The following ERI3 variants were observed in gnomAD, a reference collection of about 807,000 sequenced individuals.
The protein encoded by ERI3 is ERI1 exoribonuclease 3.
Under a neutral mutation model 44.4 loss-of-function variants are expected in ERI3, and 18 were observed. The ratio of observed to expected loss-of-function variants is 0.41; its 90% CI spans 0.28 to 0.60. ERI3 has a LOEUF of 0.60. ERI3 is among the 20% of genes least tolerant of loss of function. The pLI is 0.36. For missense variants in ERI3, 294 were observed against 435.5 expected (o/e 0.68, Z 2.89); for synonymous variants, 183 against 164.8 (o/e 1.11, Z -0.84).
At chr1:44,266,911 G>A (rs754075382) in intron 7 of ERI3, among the ~76,000 whole-genome samples, 64 of 152,196 alleles carry the variant, frequency 4.2e-4, no homozygotes, top group Non-Finnish European at 7.1e-4. Flanking sequence ...CATAGTCTAC[G>A]TAGTTTCCTT....
intron 1 of ERI3, 44 bp from the exon 2 acceptor site, chr1:44,352,969 C>A: frequency 6.2e-7 from 1 of 1,612,086 alleles, no homozygotes; most frequent in Non-Finnish European, 8.5e-7. Context: ...ATTTCAATAC[C>A]AAGGATCAAA....
chr1:44,299,716 G>A (rs1172689698), intron 6 of ERI3, among the ~76,000 whole-genome samples: 1 of 152,118 alleles, frequency 6.6e-6, no homozygotes, highest in Admixed American at 6.6e-5. Flanking sequence ...ATACAAAAGA[G>A]TAGAGCCCGG....
In ERI3 at chr1:44,333,478, A is replaced by G. The variant is rs1646472101; in HGVS notation, c.489+5567T>C. Among the ~76,000 whole-genome samples the G allele has an allele frequency of 2.0e-5, 3 of 152,264 alleles. No individual in the cohort carries two copies. The South Asian group carries it at 6.2e-4, about 32-fold the overall frequency. The stretch of plus-strand genomic sequence containing the variant: ...ACCAGGACAAGCACATGGGAAGGGA[A>G]GGGTGGGTTCTTTCTCCAGGGAATT... On this transcript the variant is annotated intron_variant, in intron 3 of 8. Coordinates refer to ENST00000372257, the MANE Select transcript of ERI3 (RefSeq NM_024066.3).
intron 5 of ERI3, among the ~76,000 whole-genome samples, chr1:44,312,394 T>TC (rs1054757956): frequency 1.3e-5 from 2 of 151,948 alleles, no homozygotes; most frequent in African/African-American, 2.4e-5. Context: ...GGGGACCTTC[T>TC]CCCCCTGTGA....
chr1:44,301,912 C>T (rs956430627), intron 6 of ERI3, among the ~76,000 whole-genome samples: 5 of 152,346 alleles, frequency 3.3e-5, no homozygotes, highest in South Asian at 2.1e-4. Context: ...CAGCACACAG[C>T]CCTACAAATT....
At chr1:44,226,796 C>CACAA (rs1489180138) in intron 8 of ERI3, among the ~76,000 whole-genome samples, 2 of 151,768 alleles carry the variant, frequency 1.3e-5, no homozygotes, top group African/African-American at 2.4e-5. Context: ...CACACACACA[C>CACAA]ACACACACAC....
intron 1 of ERI3, chr1:44,353,580 C>T (rs772853983): frequency 1.1e-5 from 11 of 985,428 alleles, no homozygotes; most frequent in Non-Finnish European, 1.3e-5. Context: ...ACATTTAAGA[C>T]TTTCTTCTAC....
Position 44,296,878 on chromosome 1 carries a change from T to C in ERI3, c.758+11432A>G, listed in dbSNP as rs75154471. ...ATATTGCAGAAAGGGGTCAGGGTGG[T>C]GGAAGAAGAGAGTGTTTGAGTGCAG... On this transcript the variant is annotated intron_variant, in intron 6 of 8. Transcript: ENST00000372257. 5.6e-3 allele frequency among the ~76,000 whole-genome samples: 854 copies of C among 152,186 alleles called. 5 individuals are homozygous for C. The highest frequency in any genetic ancestry group is 0.019 in the African/African-American group (787 of 41,512).
rs1202126360 is a variant in ERI3, at chr1:44,354,911, C to T, written c.116G>A (p.Ser39Asn). 6.1e-6 allele frequency: 8 copies of T among 1,318,936 alleles called. No individual in the cohort carries two copies. Among genetic ancestry groups the T allele is most frequent in the African/African-American group, 1.5e-5 (1 of 66,438 alleles). The allele number at this position is 1,318,936 out of a possible 1,614,324, so 81.7% of individuals were successfully genotyped here. Residue 39 changes from serine (S) to asparagine (N), a missense_variant, in exon 1 of 9, where the codon AGT becomes AAT. Around this residue, in one of 2 missense-constraint regions of ERI3, gnomAD observed 107 missense variants for 96.9 expected, o/e 1.10. Coordinates refer to ENST00000372257, the MANE Select transcript of ERI3 (RefSeq NM_024066.3). ...ACCCACCCCGGGGTGTTGCCCCCAA[C>T]TCGGGCCCATCCAAGTCCAGGGGAG... ...LTLPWTWMGP[S>N]WGQHPGHWGF...
In ERI3 at chr1:44,228,180, C is replaced by A. The variant is rs1375098275; in HGVS notation, c.932-6540G>T. 6.6e-6 allele frequency among the ~76,000 whole-genome samples: 1 copy of A among 152,020 alleles called. No homozygotes were observed. The highest frequency in any genetic ancestry group is 6.6e-5 in the Admixed American group (1 of 15,256). The stretch of plus-strand genomic sequence containing the variant: ...CTCCCATAGCTTCCTACCCCTCCCC[C>A]AGACAGGATCCTTACAGCCTCCACT... On this transcript the variant is annotated intron_variant, in intron 8 of 8. Transcript: ENST00000372257. This position sits in a 1 kb window ranked among gnomAD's most constrained non-coding sequence, Gnocchi z 4.3.
chr1:44,283,636 G>C (rs1645333019), intron 7 of ERI3, among the ~76,000 whole-genome samples: 1 of 152,174 alleles, frequency 6.6e-6, no homozygotes, highest in Admixed American at 6.5e-5. Context: ...GCAGGAGAGG[G>C]GGTATGAGTC....
intron 8 of ERI3, among the ~76,000 whole-genome samples, chr1:44,238,835 G>A (rs1644367673): frequency 6.6e-6 from 1 of 151,892 alleles, no homozygotes; most frequent in Admixed American, 6.6e-5. Flanking sequence ...GGGAGGAAGA[G>A]TCCCCTCCTC....
At chr1:44,248,310 C>T (rs75199745) in intron 7 of ERI3, among the ~76,000 whole-genome samples, 5,984 of 152,178 alleles carry the variant, frequency 0.039, 386 homozygotes, top group African/African-American at 0.14. Context: ...AAGGAGTTCC[C>T]GTTCACTAGG....
chr1:44,269,691 G>A (rs1285470159), intron 7 of ERI3, among the ~76,000 whole-genome samples: 2 of 152,218 alleles, frequency 1.3e-5, no homozygotes, highest in Non-Finnish European at 2.9e-5. Flanking sequence ...GATAATGGCT[G>A]CTGTGTGTGC....
At chr1:44,290,250 AG>A (rs1645477151) in intron 6 of ERI3, among the ~76,000 whole-genome samples, 1 of 152,176 alleles carries the variant, frequency 6.6e-6, no homozygotes. Flanking sequence ...TGTGATATGC[AG>A]AAATGGGGGA....
intron 5 of ERI3, among the ~76,000 whole-genome samples, chr1:44,309,007 G>A (rs1036320663): frequency 9.2e-5 from 14 of 152,080 alleles, no homozygotes; most frequent in Admixed American, 3.3e-4. Context: ...CCCCAATTTC[G>A]TATTTCTCCT....
At chr1:44,293,450 G>T (rs1368416193) in intron 6 of ERI3, among the ~76,000 whole-genome samples, 3 of 152,196 alleles carry the variant, frequency 2.0e-5, no homozygotes, top group Non-Finnish European at 1.5e-5. Flanking sequence ...TTCCTGGCCA[G>T]ACTTACCACC....
chr1:44,339,640 G>C (rs1242189900), intron 2 of ERI3, among the ~76,000 whole-genome samples: 8 of 152,156 alleles, frequency 5.3e-5, no homozygotes, highest in Admixed American at 5.2e-4. Flanking sequence ...AGAGAGAAGA[G>C]AGAAAAATTG....
chr1:44,329,134 C>T (rs183622884), intron 3 of ERI3, among the ~76,000 whole-genome samples: 203 of 152,240 alleles, frequency 1.3e-3, no homozygotes, highest in African/African-American at 4.5e-3. Flanking sequence ...CCAGATGAAC[C>T]AAAAAGCAGG....
Sources: gnomAD v4.1 joint callset for allele counts (sites outside exome capture counted in the v4.1 genomes callset) on GRCh38, gnomAD v4.1.1 for gene constraint, gnomAD v4.1.1 regional missense constraint, Gnocchi (gnomAD v3.1) non-coding constraint, MANE v1.5 for transcripts, NCBI Gene and HGNC (gene_info 2026-07-23, HGNC 2026-07-21) for gene names.